Variants in KIAA1217 observed in about 807,000 individuals in gnomAD.
KIAA1217 encodes the protein sickle tail protein homolog.
KIAA1217 carries 88 observed loss-of-function variants against 163.9 expected under a neutral mutation model. That is an observed-to-expected ratio of 0.54 (90% CI 0.45 to 0.64). The LOEUF (loss-of-function observed/expected upper bound fraction) is 0.64, where lower values mean the gene tolerates loss of function less well. Ranked by LOEUF, KIAA1217 falls within the 30% of genes least tolerant of loss-of-function variation. The pLI is 0.00. For synonymous variants in KIAA1217, 903 were observed against 923.1 expected (o/e 0.98, Z 0.39); for missense variants, 2,372 against 2,475.0 (o/e 0.96, Z 0.88).
chr10:24,450,400 G>T (rs1484691338), intron 5 of KIAA1217, among the ~76,000 whole-genome samples: 1 of 152,110 alleles, frequency 6.6e-6, no homozygotes, highest in East Asian at 1.9e-4. Context: ...ATCTCTTATA[G>T]CAGGTTTAGT....
At chr10:24,221,308 T>C (rs529680311) in intron 2 of KIAA1217, among the ~76,000 whole-genome samples, 1 of 150,088 alleles carries the variant, frequency 6.7e-6, no homozygotes, top group Non-Finnish European at 1.5e-5. Flanking sequence ...TTGACCTTTG[T>C]GTATGGAGAA....
At chr10:24,168,482 A>G (rs1005331253) in intron 2 of KIAA1217, among the ~76,000 whole-genome samples, 1 of 152,234 alleles carries the variant, frequency 6.6e-6, no homozygotes, top group African/African-American at 2.4e-5. Flanking sequence ...CCTCTGTGCT[A>G]TGGAGACCTT....
chr10:23,827,420 C>T (rs1387606635), intron 1 of KIAA1217, among the ~76,000 whole-genome samples: 3 of 152,174 alleles, frequency 2.0e-5, no homozygotes, highest in South Asian at 2.1e-4. Flanking sequence ...ATGTCCCTTA[C>T]TTTCGTGTTG....
intron 2 of KIAA1217, among the ~76,000 whole-genome samples, chr10:24,247,338 G>A (rs983887574): frequency 6.6e-6 from 1 of 151,822 alleles, no homozygotes; most frequent in African/African-American, 2.4e-5. Context: ...TTTTGCCCAG[G>A]CTGGTCTCGA....
At chr10:24,455,769 A>C (rs1287664282) in intron 5 of KIAA1217, among the ~76,000 whole-genome samples, 1 of 152,212 alleles carries the variant, frequency 6.6e-6, no homozygotes, top group Non-Finnish European at 1.5e-5. Flanking sequence ...GATTATAGAT[A>C]ATTGCAATTT....
At chr10:24,381,907 G>A (rs74122274) in intron 3 of KIAA1217, among the ~76,000 whole-genome samples, 384 of 152,242 alleles carry the variant, frequency 2.5e-3, no homozygotes, top group African/African-American at 8.6e-3. Context: ...CCATAAACAC[G>A]AGGCTGTTCC....
chr10:24,294,498 C>T (rs999324241), intron 2 of KIAA1217, among the ~76,000 whole-genome samples: 2 of 152,142 alleles, frequency 1.3e-5, no homozygotes, highest in Non-Finnish European at 2.9e-5. Flanking sequence ...TGTGTGGATG[C>T]TACTTTCATT....
chr10:24,010,099 A>C (rs548487977), intron 2 of KIAA1217, among the ~76,000 whole-genome samples: 1 of 152,240 alleles, frequency 6.6e-6, no homozygotes, highest in African/African-American at 2.4e-5. Context: ...TCTCAAATGT[A>C]TTATTTTAAC....
At chr10:24,443,205 A>G (rs2060645329) in intron 5 of KIAA1217, among the ~76,000 whole-genome samples, 1 of 152,072 alleles carries the variant, frequency 6.6e-6, no homozygotes, top group South Asian at 2.1e-4. Flanking sequence ...CCTGGACAGT[A>G]ATGTTAATTA....
intron 2 of KIAA1217, among the ~76,000 whole-genome samples, chr10:24,270,599 G>T (rs1408202551): frequency 1.3e-5 from 2 of 152,108 alleles, no homozygotes; most frequent in Non-Finnish European, 2.9e-5. Flanking sequence ...GGAGTGCAGT[G>T]GTGCGATTTC....
chr10:24,224,952 G>C (rs532989510), intron 2 of KIAA1217, among the ~76,000 whole-genome samples: 16 of 149,400 alleles, frequency 1.1e-4, no homozygotes, highest in African/African-American at 4.0e-4. Context: ...TCAGCCTCCC[G>C]AGTAGCTGGG....
At chr10:23,993,553 C>CTTTTTTTTTTTTTTTTT (rs200437343) in intron 1 of KIAA1217, among the ~76,000 whole-genome samples, 1,357 of 68,904 alleles carry the variant, frequency 0.02, 392 homozygotes, top group African/African-American at 0.059. Flanking sequence ...CATAGCCCAG[C>CTTTTTTTTTTTTTTTTT]TTTTTTTTTT....
chr10:24,186,231 C>G (rs1274699661), intron 2 of KIAA1217, among the ~76,000 whole-genome samples: 1 of 152,102 alleles, frequency 6.6e-6, no homozygotes, highest in Non-Finnish European at 1.5e-5. Flanking sequence ...GTTTGGACTT[C>G]CAATATTTCC....
chr10:24,474,008 A>G lies in KIAA1217; in HGVS notation c.1627A>G (p.Lys543Glu). The change falls in exon 6 of 21, where the codon AAG (lysine) becomes GAG (glutamate). Residue 543 changes from lysine to glutamate, a missense_variant. Coordinates refer to ENST00000376454, the MANE Select transcript of KIAA1217 (RefSeq NM_019590.5). ...AGACCTCGGCCCTCCTCTAATGGAGAAGCAAGTTTTTGCCTACAGCACGGC... is the reference window on the plus strand; with the variant it reads ...AGACCTCGGCCCTCCTCTAATGGAGGAGCAAGTTTTTGCCTACAGCACGGC... ...LVDLGPPLME[K>E]QVFAYSTATI... 1 of 1,612,322 alleles carries G rather than the reference A, an allele frequency of 6.2e-7. No individual in the cohort carries two copies. The highest frequency in any genetic ancestry group is 8.5e-7 in the Non-Finnish European group (1 of 1,178,854).
At chr10:24,399,866 AT>A (rs761014511) in intron 3 of KIAA1217, among the ~76,000 whole-genome samples, 3 of 151,712 alleles carry the variant, frequency 2.0e-5, no homozygotes, top group Non-Finnish European at 3.0e-5. Flanking sequence ...TAACAAAAAA[AT>A]AATAATAATA....
At chr10:24,064,050 A>G (rs1238686411) in intron 2 of KIAA1217, among the ~76,000 whole-genome samples, 1 of 152,160 alleles carries the variant, frequency 6.6e-6, no homozygotes, top group Non-Finnish European at 1.5e-5. Context: ...GGCTGAGACG[A>G]TGGGGTTTTC....
intron 2 of KIAA1217, among the ~76,000 whole-genome samples, chr10:24,313,843 G>GTTTTT (rs35876174): frequency 4.4e-4 from 50 of 113,388 alleles, no homozygotes; most frequent in East Asian, 2.2e-3. Context: ...CCATCTGGTT[G>GTTTTT]TTTTTTTTTT....
intron 1 of KIAA1217, among the ~76,000 whole-genome samples, chr10:23,853,266 G>C (rs986396245): frequency 1.1e-4 from 17 of 152,164 alleles, no homozygotes; most frequent in Non-Finnish European, 2.4e-4. Context: ...CATCTATTGA[G>C]ATAATCATGC....
intron 2 of KIAA1217, among the ~76,000 whole-genome samples, chr10:24,272,807 T>C (rs963361256): frequency 6.6e-6 from 1 of 152,242 alleles, no homozygotes; most frequent in Non-Finnish European, 1.5e-5. Flanking sequence ...TTATGAGTTA[T>C]TCGCCTGAAG....
Sources: allele counts gnomAD v4.1 joint callset (sites outside exome capture counted in the v4.1 genomes callset), GRCh38; gene constraint gnomAD v4.1.1; transcripts MANE v1.5; gene names NCBI Gene and HGNC (gene_info 2026-07-23, HGNC 2026-07-21).